Variants in FAM107B observed in about 807,000 individuals in gnomAD.
FAM107B encodes protein FAM107B.
In FAM107B, 21 loss-of-function variants were observed where a neutral mutation model predicts 31.5. The ratio of observed to expected loss-of-function variants is 0.67; its 90% CI spans 0.47 to 0.96. The LOEUF (loss-of-function observed/expected upper bound fraction) is 0.96, where lower values mean the gene tolerates loss of function less well. Among genes scored for constraint, FAM107B ranks in the 40% least tolerant of loss-of-function variants. FAM107B has a pLI of 0.00. For missense variants in FAM107B, 452 were observed against 377.1 expected, an observed-to-expected ratio of 1.20 and a Z score of -1.64; for synonymous variants, 157 against 141.5, an observed-to-expected ratio of 1.11 and a Z score of -0.78.
chr10:14,711,885 C>T (rs562679894), intron 1 of FAM107B, among the ~76,000 whole-genome samples: 5 of 152,344 alleles, frequency 3.3e-5, no homozygotes, highest in African/African-American at 1.2e-4. Flanking sequence ...CTCAAGTAAT[C>T]CGCCCACCTT....
At chr10:14,620,017 C>CTTTTTTTTT (rs71388190) in intron 2 of FAM107B, among the ~76,000 whole-genome samples, 5 of 83,896 alleles carry the variant, frequency 6.0e-5, no homozygotes, top group Admixed American at 1.3e-4. Flanking sequence ...TTCTTTCTTT[C>CTTTTTTTTT]TTTTTTTTTT....
At chr10:14,688,111 C>T (rs1855034647) in intron 1 of FAM107B, among the ~76,000 whole-genome samples, 1 of 152,214 alleles carries the variant, frequency 6.6e-6, no homozygotes, top group African/African-American at 2.4e-5. Context: ...AGCTGACTTG[C>T]TGAGTCTTCC....
chr10:14,598,964 C>T (rs889915450), intron 2 of FAM107B, among the ~76,000 whole-genome samples: 1 of 152,208 alleles, frequency 6.6e-6, no homozygotes, highest in African/African-American at 2.4e-5. Flanking sequence ...CTTTCCCCTA[C>T]AGCACCTTGC....
chr10:14,661,286 C>T (rs746266992), intron 2 of FAM107B, among the ~76,000 whole-genome samples: 47 of 152,296 alleles, frequency 3.1e-4, no homozygotes, highest in Non-Finnish European at 4.1e-4. Context: ...AAATTGACTG[C>T]GCTAAGGGGT....
chr10:14,697,208 G>A (rs1007810187), intron 1 of FAM107B, among the ~76,000 whole-genome samples: 1 of 152,170 alleles, frequency 6.6e-6, no homozygotes, highest in East Asian at 1.9e-4. Flanking sequence ...GGAAAGGGCT[G>A]CCACATTGCC....
intron 2 of FAM107B, among the ~76,000 whole-genome samples, chr10:14,564,419 C>A (rs1250781298): frequency 6.6e-6 from 1 of 151,242 alleles, no homozygotes; most frequent in Non-Finnish European, 1.5e-5. Context: ...GTTTTCAAAG[C>A]AGATACTGCA....
intron 1 of FAM107B, among the ~76,000 whole-genome samples, chr10:14,680,075 G>A (rs1021239507): frequency 1.3e-5 from 2 of 152,072 alleles, no homozygotes; most frequent in African/African-American, 4.8e-5. Flanking sequence ...TATTAGTTCT[G>A]TCCCTCTAGA....
intron 2 of FAM107B, among the ~76,000 whole-genome samples, chr10:14,576,252 C>T (rs1332599618): frequency 3.3e-5 from 5 of 152,110 alleles, no homozygotes; most frequent in South Asian, 4.1e-4. Flanking sequence ...GAGTTGGCCA[C>T]GTGCAGTGGC....
chr10:14,637,791 C>A (rs562541170), intron 2 of FAM107B, among the ~76,000 whole-genome samples: 1 of 152,092 alleles, frequency 6.6e-6, no homozygotes, highest in Non-Finnish European at 1.5e-5. Flanking sequence ...GCCCATGTGG[C>A]ACTAAGGGTG....
chr10:14,597,639 C>T (rs1588645962), intron 2 of FAM107B, among the ~76,000 whole-genome samples: 2 of 152,190 alleles, frequency 1.3e-5, no homozygotes, highest in South Asian at 4.1e-4. Flanking sequence ...ACATCACTGC[C>T]GGCTGCATTA....
chr10:14,666,422 G>C (rs1380019879), intron 2 of FAM107B, among the ~76,000 whole-genome samples: 1 of 152,138 alleles, frequency 6.6e-6, no homozygotes, highest in Admixed American at 6.5e-5. Flanking sequence ...TCACTATCAT[G>C]AGAACAGCAT....
At chr10:14,572,736 A>ATTTTATATATATATATATAT (rs1455058375) in intron 2 of FAM107B, among the ~76,000 whole-genome samples, 5,119 of 85,720 alleles carry the variant, frequency 0.06, 418 homozygotes, top group East Asian at 0.069. Context: ...AAAAAAAAAA[A>ATTTTATATATATATATATAT]ATTTATATAT....
chr10:14,658,636 C>T (rs537554031), intron 2 of FAM107B, among the ~76,000 whole-genome samples: 103 of 152,318 alleles, frequency 6.8e-4, no homozygotes, highest in East Asian at 4.4e-3. Flanking sequence ...GAGAAAAAGA[C>T]GCAATTCCAG....
At chr10:14,574,426 C>G (rs1851401616) in intron 2 of FAM107B, among the ~76,000 whole-genome samples, 1 of 152,204 alleles carries the variant, frequency 6.6e-6, no homozygotes, top group Non-Finnish European at 1.5e-5. Context: ...CCTGGGCAAA[C>G]AGCATTTGGG....
rs375406722 is a variant in FAM107B, at chr10:14,584,060, C to G, written c.470-53545G>C. 7.6e-4 allele frequency among the ~76,000 whole-genome samples: 116 copies of G among 152,300 alleles called. 3 individuals carry two copies. The South Asian group carries it at 0.017, about 22-fold the overall frequency. On this transcript the variant is annotated intron_variant, in intron 2 of 4. Coordinates refer to ENST00000181796, the MANE Select transcript of FAM107B (RefSeq NM_031453.4). ...GAGTTCCTAGCTACTCCGGCAGATCCAGATGCTGAGACATACTGGGTCCGA... is the reference window on the plus strand; with the variant it reads ...GAGTTCCTAGCTACTCCGGCAGATCGAGATGCTGAGACATACTGGGTCCGA...
chr10:14,522,751 G>C (rs546922039), intron 3 of FAM107B, among the ~76,000 whole-genome samples: 4 of 152,076 alleles, frequency 2.6e-5, no homozygotes, highest in Non-Finnish European at 5.9e-5. Context: ...GCAGCCTCAA[G>C]ACCAGCTTAG....
intron 2 of FAM107B, among the ~76,000 whole-genome samples, chr10:14,667,034 G>C (rs535782065): frequency 6.6e-6 from 1 of 152,324 alleles, no homozygotes; most frequent in East Asian, 1.9e-4. Context: ...AATAGAGGCT[G>C]AGAGTATTAA....
intron 2 of FAM107B, among the ~76,000 whole-genome samples, chr10:14,614,242 G>A (rs1357719413): frequency 1.3e-5 from 2 of 152,160 alleles, no homozygotes; most frequent in East Asian, 3.8e-4. Context: ...GAGGCTCTGA[G>A]CACGATCAGA....
intron 1 of FAM107B, among the ~76,000 whole-genome samples, chr10:14,690,447 T>A (rs1428026009): frequency 6.6e-6 from 1 of 151,894 alleles, no homozygotes; most frequent in Admixed American, 6.6e-5. Flanking sequence ...CTAGCCCCTT[T>A]ATTTTTTTAT....
Sources: gnomAD v4.1 joint callset for allele counts (sites outside exome capture counted in the v4.1 genomes callset) on GRCh38, gnomAD v4.1.1 for gene constraint, MANE v1.5 for transcripts, NCBI Gene and HGNC (gene_info 2026-07-23, HGNC 2026-07-21) for gene names.